ASTN1: variants seen among roughly 807,000 people sequenced by gnomAD.
ASTN1 encodes astrotactin-1.
In ASTN1, 41 loss-of-function variants were observed where a neutral mutation model predicts 140.7. The ratio of observed to expected loss-of-function variants is 0.29; its 90% CI spans 0.23 to 0.38. The LOEUF (loss-of-function observed/expected upper bound fraction) is 0.38, where lower values mean the gene tolerates loss of function less well. ASTN1 is among the 10% of genes least tolerant of loss of function. The pLI, the probability that ASTN1 is intolerant of heterozygous loss-of-function variation, is 1.00. For missense variants in ASTN1, 1,479 were observed against 1,678.8 expected, an observed-to-expected ratio of 0.88 and a Z score of 2.08; for synonymous variants, 640 against 652.2, an observed-to-expected ratio of 0.98 and a Z score of 0.29.
At chr1:176,959,950 G>C (rs561098261) in intron 9 of ASTN1, among the ~76,000 whole-genome samples, 79 of 152,126 alleles carry the variant, frequency 5.2e-4, no homozygotes, top group Non-Finnish European at 1.0e-3. Flanking sequence ...TTGTTACTTA[G>C]GGGACAATAG....
intron 9 of ASTN1, among the ~76,000 whole-genome samples, chr1:176,958,931 A>G (rs780664250): frequency 3.3e-5 from 5 of 152,192 alleles, no homozygotes; most frequent in Non-Finnish European, 7.3e-5. Flanking sequence ...AAAGAAAGAA[A>G]GCACCCCTTT....
At chr1:177,115,180 C>T (rs1002604210) in intron 1 of ASTN1, among the ~76,000 whole-genome samples, 5 of 152,092 alleles carry the variant, frequency 3.3e-5, no homozygotes, top group Non-Finnish European at 5.9e-5. Flanking sequence ...GTGATTTGCT[C>T]TAGTCCATAG....
chr1:176,885,995 T>G (rs1195911328), intron 18 of ASTN1, among the ~76,000 whole-genome samples: 1 of 151,928 alleles, frequency 6.6e-6, no homozygotes, highest in African/African-American at 2.4e-5. Context: ...GTGCAGATAT[T>G]GACAAATTCA....
chr1:176,932,126 G>A lies in ASTN1; in HGVS notation c.2671+2026C>T, dbSNP rs541086612. On this transcript the variant is annotated intron_variant, in intron 16 of 22. Transcript: ENST00000361833. ...ACTTCCTTTCCTATTCAATCCATAC[G>A]TAATTTTAGGTATCTAGTCATAGGT... 4.6e-5 allele frequency among the ~76,000 whole-genome samples: 7 copies of A among 152,172 alleles called. No individual in the cohort carries two copies. The East Asian group carries it at 5.8e-4, about 13-fold the overall frequency.
At chr1:176,901,066 T>C (rs1669745357) in intron 16 of ASTN1, among the ~76,000 whole-genome samples, 1 of 152,158 alleles carries the variant, frequency 6.6e-6, no homozygotes, top group South Asian at 2.1e-4. Flanking sequence ...ACAAACTAGA[T>C]AGGATGGGTT....
intron 8 of ASTN1, among the ~76,000 whole-genome samples, chr1:177,007,283 TC>T (rs1320816296): frequency 6.6e-6 from 1 of 152,044 alleles, no homozygotes; most frequent in Admixed American, 6.5e-5. Context: ...TCTCAGCTAC[TC>T]AGGAGGCTGA....
chr1:177,050,951 C>T (rs1677510472), intron 2 of ASTN1, among the ~76,000 whole-genome samples: 1 of 152,068 alleles, frequency 6.6e-6, no homozygotes, highest in Non-Finnish European at 1.5e-5. Context: ...AGCCATCAGA[C>T]TCACAGGGAA....
chr1:177,110,615 G>A lies in ASTN1; in HGVS notation c.284-49350C>T, dbSNP rs78350124. Reference sequence around the variant, plus strand: ...CTACTATGTGCAAGGTACATGGGCCGTTTCAGCTGAATGTAACTTTTCACT... The same window carrying A: ...CTACTATGTGCAAGGTACATGGGCCATTTCAGCTGAATGTAACTTTTCACT... On this transcript the variant is annotated intron_variant, in intron 1 of 22. Coordinates refer to ENST00000361833, the MANE Select transcript of ASTN1 (RefSeq NM_004319.3). Among the ~76,000 whole-genome samples, 575 of 152,260 alleles carry A rather than the reference G, an allele frequency of 3.8e-3. 4 individuals are homozygous for A. Among genetic ancestry groups the A allele is most frequent in the African/African-American group, 0.013 (532 of 41,550 alleles).
At chr1:176,882,546 A>C (rs1357200891) in intron 20 of ASTN1, among the ~76,000 whole-genome samples, 1 of 46,828 alleles carries the variant, frequency 2.1e-5, no homozygotes, top group Non-Finnish European at 4.7e-5. Flanking sequence ...TCTCTTTTAC[A>C]ATTTTTTTTT....
At chr1:177,144,609 C>T (rs1682639407) in intron 1 of ASTN1, among the ~76,000 whole-genome samples, 1 of 147,214 alleles carries the variant, frequency 6.8e-6, no homozygotes, top group African/African-American at 2.5e-5. Flanking sequence ...AGATAACAGC[C>T]CCAGTGGTTT....
chr1:176,970,526 C>T (rs116621740), intron 8 of ASTN1, among the ~76,000 whole-genome samples: 8 of 151,956 alleles, frequency 5.3e-5, no homozygotes, highest in Non-Finnish European at 1.0e-4. Flanking sequence ...ATAAGACTTG[C>T]CATCCAGGGA....
At chr1:177,154,781 T>C (rs536651545) in intron 1 of ASTN1, among the ~76,000 whole-genome samples, 12 of 151,604 alleles carry the variant, frequency 7.9e-5, no homozygotes, top group Non-Finnish European at 1.8e-4. Context: ...GGCAAATCAA[T>C]AAACGACTGG....
At chr1:176,950,417 G>A (rs373422635) in intron 11 of ASTN1, among the ~76,000 whole-genome samples, 18 of 152,226 alleles carry the variant, frequency 1.2e-4, no homozygotes, top group East Asian at 9.7e-4. Context: ...ACACTTAACC[G>A]TTTACACAGT....
At chr1:176,924,628 T>TA (rs1557963554) in intron 16 of ASTN1, among the ~76,000 whole-genome samples, 2 of 152,180 alleles carry the variant, frequency 1.3e-5, no homozygotes, top group Non-Finnish European at 2.9e-5. Flanking sequence ...GTCCAATGAC[T>TA]AGATATAGAA....
intron 16 of ASTN1, among the ~76,000 whole-genome samples, chr1:176,922,998 C>A (rs1222805956): frequency 1.3e-5 from 2 of 152,094 alleles, no homozygotes; most frequent in African/African-American, 4.8e-5. Context: ...AATCCTGGTA[C>A]AACCTTTTAA....
chr1:177,047,665 G>C (rs181684048), intron 2 of ASTN1, among the ~76,000 whole-genome samples: 1 of 152,182 alleles, frequency 6.6e-6, no homozygotes, highest in African/African-American at 2.4e-5. Flanking sequence ...TGCACTCATA[G>C]TGGTAGTAGA....
At chr1:176,934,679 TTTGAAAAA>T (rs1671357909) in intron 15 of ASTN1, among the ~76,000 whole-genome samples, 1 of 151,870 alleles carries the variant, frequency 6.6e-6, no homozygotes, top group Non-Finnish European at 1.5e-5. Context: ...AATAATAGCA[TTTGAAAAA>T]AGCAGAAACA....
At chr1:177,093,807 G>C (rs1203086081) in intron 1 of ASTN1, among the ~76,000 whole-genome samples, 1 of 152,198 alleles carries the variant, frequency 6.6e-6, no homozygotes, top group Non-Finnish European at 1.5e-5. Context: ...ATGATTCAGA[G>C]TTTGTTTTTA....
intron 16 of ASTN1, among the ~76,000 whole-genome samples, chr1:176,932,709 C>A (rs1671259901): frequency 6.6e-6 from 1 of 152,196 alleles, no homozygotes; most frequent in South Asian, 2.1e-4. Context: ...AATGCCAAGA[C>A]CGTGGACAGA....
Sources: allele counts gnomAD v4.1 joint callset (sites outside exome capture counted in the v4.1 genomes callset), GRCh38; gene constraint gnomAD v4.1.1; transcripts MANE v1.5; gene names NCBI Gene and HGNC (gene_info 2026-07-23, HGNC 2026-07-21).